CSGALNACT1: variants seen among roughly 807,000 people sequenced by gnomAD.
CSGALNACT1 encodes chondroitin sulfate N-acetylgalactosaminyltransferase 1.
A neutral mutation model predicts 51.0 loss-of-function variants in CSGALNACT1; 52 were observed. The observed-to-expected ratio is 1.02, with a 90% CI of 0.82 to 1.29. CSGALNACT1 has a LOEUF of 1.29. CSGALNACT1 is among the 50% of genes most tolerant of loss of function. The probability of loss-of-function intolerance (pLI) is 0.00; values close to 1 mark genes in which losing one functional copy is unlikely to be tolerated. For missense variants in CSGALNACT1, 935 were observed against 679.2 expected, an observed-to-expected ratio of 1.38 and a Z score of -4.19; for synonymous variants, 341 against 254.4, an observed-to-expected ratio of 1.34 and a Z score of -3.24.
chr8:19,457,914 C>T, intron 5 of CSGALNACT1: 1 of 739,500 alleles, frequency 1.4e-6, no homozygotes, highest in Non-Finnish European at 2.1e-6. Flanking sequence ...TAAGATGATG[C>T]AGGTTACAAT....
chr8:19,523,142 C>T (rs2081048497), intron 3 of CSGALNACT1, among the ~76,000 whole-genome samples: 1 of 152,204 alleles, frequency 6.6e-6, no homozygotes, highest in Admixed American at 6.5e-5. Context: ...TAACAGTGAC[C>T]TACACTGAAG....
intron 1 of CSGALNACT1, among the ~76,000 whole-genome samples, chr8:19,722,086 A>C (rs566184629): frequency 6.6e-6 from 1 of 152,362 alleles, no homozygotes; most frequent in East Asian, 1.9e-4. Context: ...AATTCAATAG[A>C]AACCTTTTGC....
chr8:19,661,861 A>G (rs150819965), intron 1 of CSGALNACT1, among the ~76,000 whole-genome samples: 2 of 152,130 alleles, frequency 1.3e-5, no homozygotes, highest in African/African-American at 2.4e-5. Context: ...CTGGGCCTCT[A>G]TGTGAACAGT....
At chr8:19,432,277 T>A (rs2059758109) in intron 6 of CSGALNACT1, among the ~76,000 whole-genome samples, 1 of 152,192 alleles carries the variant, frequency 6.6e-6, no homozygotes, top group Non-Finnish European at 1.5e-5. Flanking sequence ...GAAAATGTTA[T>A]CCCACTTTCT....
At chr8:19,547,447 G>GC (rs1414832066) in intron 3 of CSGALNACT1, among the ~76,000 whole-genome samples, 2 of 202 alleles carry the variant, frequency 9.9e-3, no homozygotes, top group East Asian at 0.2. Flanking sequence ...CATGGGGGTG[G>GC]TTTCCCCATA....
intron 4 of CSGALNACT1, among the ~76,000 whole-genome samples, chr8:19,460,737 C>G (rs1255722653): frequency 6.6e-6 from 1 of 152,124 alleles, no homozygotes; most frequent in Non-Finnish European, 1.5e-5. Context: ...CTCACAAACC[C>G]CTCCTTTTTT....
exon 4 of CSGALNACT1, chr8:19,505,597 C>G: frequency 6.2e-7 from 1 of 1,614,046 alleles, no homozygotes; most frequent in Non-Finnish European, 8.5e-7. Flanking sequence ...TTGAGCTGTG[C>G]GATCTGCCGC....
At chr8:19,501,246 CAAAAAAAAA>C (rs35069773) in intron 4 of CSGALNACT1, among the ~76,000 whole-genome samples, 1 of 83,626 alleles carries the variant, frequency 1.2e-5, no homozygotes. Flanking sequence ...GACTCCGTCT[CAAAAAAAAA>C]AAAAAAAAAA....
intron 8 of CSGALNACT1, among the ~76,000 whole-genome samples, chr8:19,416,811 G>A (rs763014618): frequency 7.2e-5 from 11 of 152,024 alleles, no homozygotes; most frequent in East Asian, 1.9e-4. Context: ...ATTGCCTGAC[G>A]ATACATGACA....
At chr8:19,450,752 A>G (rs1283912643) in intron 5 of CSGALNACT1, among the ~76,000 whole-genome samples, 4 of 152,022 alleles carry the variant, frequency 2.6e-5, no homozygotes, top group Non-Finnish European at 5.9e-5. Flanking sequence ...CTTTGTCTCT[A>G]CAAAAAATCT....
chr8:19,507,188 G>C (rs982402754), intron 3 of CSGALNACT1, among the ~76,000 whole-genome samples: 9 of 152,192 alleles, frequency 5.9e-5, no homozygotes, highest in African/African-American at 1.2e-4. Flanking sequence ...ATTTATCATA[G>C]AAGGGATGAG....
chr8:19,406,128 G>A (rs1350109297), intron 9 of CSGALNACT1, 59 bp from the exon 9 acceptor site: 4 of 1,597,456 alleles, frequency 2.5e-6, no homozygotes, highest in Middle Eastern at 2.0e-4. Context: ...GCTTCCCTGA[G>A]TTGCAACAAG....
chr8:19,476,540 C>A (rs1006751123), intron 4 of CSGALNACT1, among the ~76,000 whole-genome samples: 7 of 152,148 alleles, frequency 4.6e-5, no homozygotes, highest in Non-Finnish European at 7.3e-5. Flanking sequence ...CCACATCCAG[C>A]CTCCCCAATA....
chr8:19,406,220 G>C, intron 9 of CSGALNACT1, 151 bp from the exon 9 acceptor site: 1 of 906,164 alleles, frequency 1.1e-6, no homozygotes, highest in Non-Finnish European at 1.8e-6. Flanking sequence ...GTCCACCTGG[G>C]TCAGAAGCCC....
At chr8:19,559,007 T>C (rs1588322978) in intron 3 of CSGALNACT1, among the ~76,000 whole-genome samples, 2 of 152,176 alleles carry the variant, frequency 1.3e-5, no homozygotes, top group Non-Finnish European at 2.9e-5. Flanking sequence ...ACTACATGCA[T>C]AGGTAAACAG....
chr8:19,486,104 A>G (rs1586987987), intron 4 of CSGALNACT1, among the ~76,000 whole-genome samples: 1 of 149,632 alleles, frequency 6.7e-6, no homozygotes, highest in Non-Finnish European at 1.5e-5. Flanking sequence ...TAAATACTAA[A>G]CCTCCTGAGA....
chr8:19,521,066 T>A (rs1196721727), intron 3 of CSGALNACT1, among the ~76,000 whole-genome samples: 2 of 151,654 alleles, frequency 1.3e-5, no homozygotes, highest in East Asian at 1.9e-4. Context: ...AAAAGGGAGG[T>A]GTGCGGGGAG....
intron 1 of CSGALNACT1, among the ~76,000 whole-genome samples, chr8:19,739,584 G>A (rs546509899): frequency 6.6e-6 from 1 of 152,252 alleles, no homozygotes; most frequent in South Asian, 2.1e-4. Flanking sequence ...AGTGAACCCT[G>A]GCTAATAAGC....
intron 1 of CSGALNACT1, among the ~76,000 whole-genome samples, chr8:19,690,707 A>C (rs1187883814): frequency 6.6e-6 from 1 of 152,234 alleles, no homozygotes; most frequent in African/African-American, 2.4e-5. Flanking sequence ...CTCTGAATTA[A>C]TAATATGTGA....
Sources: allele counts gnomAD v4.1 joint callset (sites outside exome capture counted in the v4.1 genomes callset), GRCh38; gene constraint gnomAD v4.1.1; transcripts MANE v1.5; gene names NCBI Gene and HGNC (gene_info 2026-07-23, HGNC 2026-07-21).